The following SATB2 variants were observed in gnomAD, a reference collection of about 807,000 sequenced individuals.
SATB2 encodes SATB homeobox 2, also known as DNA-binding protein SATB2.
Under a neutral mutation model 73.4 loss-of-function variants are expected in SATB2, and 1 was observed. The observed-to-expected ratio is 0.01, with a 90% CI of 0.00 to 0.06. SATB2 has a LOEUF of 0.06. SATB2 is among the 10% of genes least tolerant of loss of function. SATB2 has a pLI of 1.00. For synonymous variants in SATB2, 397 were observed against 367.0 expected, an observed-to-expected ratio of 1.08 and a Z score of -0.93; for missense variants, 459 against 945.8, an observed-to-expected ratio of 0.49 and a Z score of 6.75.
chr2:199,354,200 T>C (rs892242731), intron 6 of SATB2, among the ~76,000 whole-genome samples: 3 of 151,866 alleles, frequency 2.0e-5, no homozygotes, highest in African/African-American at 7.3e-5. Context: ...TCTACTAAAA[T>C]ACAAAATTAG....
At chr2:199,293,299 T>C (rs1003267803) in intron 10 of SATB2, among the ~76,000 whole-genome samples, 3 of 152,144 alleles carry the variant, frequency 2.0e-5, no homozygotes, top group Admixed American at 6.5e-5. Flanking sequence ...ATTCATTCCA[T>C]TATACATAGC....
rs1574492129 is a variant in SATB2 at position 199,308,734 on chromosome 2, G to A, written c.1740+26C>T. Reference sequence around the variant, plus strand: ...CTGGCACACAGAGCCCTGATCAGGTGGGGTACGGCGGTCGGGGACACTGAC... The same window carrying A: ...CTGGCACACAGAGCCCTGATCAGGTAGGGTACGGCGGTCGGGGACACTGAC... On this transcript the variant is annotated intron_variant, in intron 10 of 10. Coordinates refer to ENST00000417098, the MANE Select transcript of SATB2 (RefSeq NM_001172509.2). The surrounding 1 kb of genome is among the most constrained non-coding windows in gnomAD (Gnocchi z 4.6). 1 of 1,602,726 alleles carries A rather than the reference G, an allele frequency of 6.2e-7. No individual in the cohort carries two copies. Among genetic ancestry groups the A allele is most frequent in the Non-Finnish European group, 8.5e-7 (1 of 1,169,870 alleles).
At chr2:199,278,114 T>A (rs1449331491) in intron 10 of SATB2, among the ~76,000 whole-genome samples, 1 of 151,958 alleles carries the variant, frequency 6.6e-6, no homozygotes, top group Non-Finnish European at 1.5e-5. Flanking sequence ...GGAGGGGAAG[T>A]TATTTGAGAT....
intron 3 of SATB2, 144 bp downstream of exon 3, chr2:199,433,194 A>G (rs540054331): frequency 2.4e-6 from 2 of 837,630 alleles, no homozygotes; most frequent in South Asian, 3.8e-5. Flanking sequence ...ACCTTCTACA[A>G]GAAATATTCT....
chr2:199,422,387 T>C (rs905304048), intron 3 of SATB2, among the ~76,000 whole-genome samples: 2 of 151,984 alleles, frequency 1.3e-5, no homozygotes, highest in African/African-American at 4.8e-5. Context: ...GGAGCTTATA[T>C]ATACAAATAT....
upstream of SATB2, among the ~76,000 whole-genome samples, chr2:199,469,281 A>G (rs866587648): frequency 6.6e-6 from 1 of 152,182 alleles, no homozygotes; most frequent in South Asian, 2.1e-4. Context: ...ATTTCGCCGC[A>G]GAATTACCTG....
At chr2:199,301,079 G>A (rs913657422) in intron 10 of SATB2, among the ~76,000 whole-genome samples, 4 of 151,936 alleles carry the variant, frequency 2.6e-5, no homozygotes, top group Non-Finnish European at 5.9e-5. Flanking sequence ...AGAACCAGAA[G>A]AGAATACTAT....
chr2:199,325,972 A>G (rs1048430286), intron 8 of SATB2: 1 of 152,184 alleles, frequency 6.6e-6, no homozygotes, highest in African/African-American at 2.4e-5. Context: ...TCAAATTTCA[A>G]ATTTCTTCAA....
chr2:199,402,594 C>T (rs1375396317), intron 3 of SATB2, among the ~76,000 whole-genome samples: 2 of 152,170 alleles, frequency 1.3e-5, no homozygotes, highest in Non-Finnish European at 2.9e-5. Context: ...TCCATTATCA[C>T]TGAGATCCTT....
At chr2:199,405,062 T>G (rs1190792776) in intron 3 of SATB2, among the ~76,000 whole-genome samples, 1 of 152,198 alleles carries the variant, frequency 6.6e-6, no homozygotes, top group Non-Finnish European at 1.5e-5. Context: ...GCAAATATAA[T>G]ACCACAGAAT....
At chr2:199,344,608 A>T (rs1688598392) in intron 7 of SATB2, among the ~76,000 whole-genome samples, 1 of 152,200 alleles carries the variant, frequency 6.6e-6, no homozygotes, top group Non-Finnish European at 1.5e-5. Context: ...AAATGTCAGC[A>T]CCAAACCTCA....
At chr2:199,321,421 GAT>G (rs1358235412) in intron 9 of SATB2, among the ~76,000 whole-genome samples, 1 of 146,128 alleles carries the variant, frequency 6.8e-6, no homozygotes, top group Admixed American at 6.9e-5. Context: ...ACACCTTATG[GAT>G]ATATATATAT....
At chr2:199,468,299 T>A (rs1331122388), upstream of SATB2, 1 of 148,382 alleles carries the variant, frequency 6.7e-6, no homozygotes, top group East Asian at 1.9e-4. Context: ...GTATTTCGTT[T>A]CTTCCTCTTC....
At chr2:199,326,296 G>A (rs139603827) in intron 8 of SATB2, among the ~76,000 whole-genome samples, 2 of 152,084 alleles carry the variant, frequency 1.3e-5, no homozygotes, top group South Asian at 2.1e-4. Flanking sequence ...TGCCATGACC[G>A]TATTCTCAAA....
chr2:199,362,105 C>T (rs1257069854), intron 6 of SATB2, among the ~76,000 whole-genome samples: 1 of 152,068 alleles, frequency 6.6e-6, no homozygotes, highest in Non-Finnish European at 1.5e-5. Flanking sequence ...TCTACCTTTG[C>T]CTTTTCACTG....
chr2:199,285,876 T>TC (rs1692671110), intron 10 of SATB2, among the ~76,000 whole-genome samples: 1 of 65,688 alleles, frequency 1.5e-5, no homozygotes, highest in Non-Finnish European at 3.8e-5. Flanking sequence ...AGCCTTAGTC[T>TC]GTTTTTTTTT....
intron 3 of SATB2, among the ~76,000 whole-genome samples, chr2:199,399,348 A>T (rs1690398374): frequency 6.6e-6 from 1 of 152,192 alleles, no homozygotes; most frequent in Non-Finnish European, 1.5e-5. Context: ...TCAGGTAAAG[A>T]CATAGAACTA....
At chr2:199,453,068 A>G (rs959878045) in intron 2 of SATB2, among the ~76,000 whole-genome samples, 1 of 152,144 alleles carries the variant, frequency 6.6e-6, no homozygotes, top group Non-Finnish European at 1.5e-5. Context: ...TCTTTTATGA[A>G]TACTTAGTTC....
chr2:199,338,392 A>C (rs976806873), intron 7 of SATB2, among the ~76,000 whole-genome samples: 1 of 152,030 alleles, frequency 6.6e-6, no homozygotes, highest in Non-Finnish European at 1.5e-5. Context: ...AAGAAAAAAA[A>C]AAAAGTGCAG....
Sources: gnomAD v4.1 joint callset for allele counts (sites outside exome capture counted in the v4.1 genomes callset) on GRCh38, gnomAD v4.1.1 for gene constraint, Gnocchi (gnomAD v3.1) non-coding constraint, MANE v1.5 for transcripts, NCBI Gene and HGNC (gene_info 2026-07-23, HGNC 2026-07-21) for gene names.